The following UBE2B variants were observed in gnomAD, a reference collection of about 807,000 sequenced individuals.
UBE2B encodes the protein ubiquitin-conjugating enzyme E2 B.
A neutral mutation model predicts 24.6 loss-of-function variants in UBE2B; 11 were observed. The ratio of observed to expected loss-of-function variants is 0.45; its 90% CI spans 0.28 to 0.74. The LOEUF (loss-of-function observed/expected upper bound fraction) is 0.74, where lower values mean the gene tolerates loss of function less well. Ranked by LOEUF, UBE2B falls within the 30% of genes least tolerant of loss-of-function variation. UBE2B has a pLI of 0.13. For missense variants in UBE2B, 78 were observed against 185.6 expected (o/e 0.42, Z 3.37); for synonymous variants, 68 against 62.4 (o/e 1.09, Z -0.42).
chr5:134,380,891 TA>T, intron 4 of UBE2B, 83 bp downstream of exon 4: 1 of 896,620 alleles, frequency 1.1e-6, no homozygotes, highest in Non-Finnish European at 1.8e-6. Flanking sequence ...CCTTACTTTT[TA>T]CTGTTAGGGC....
chr5:134,387,638 G>A (rs1003458004), intron 4 of UBE2B, among the ~76,000 whole-genome samples: 1 of 152,172 alleles, frequency 6.6e-6, no homozygotes, highest in Non-Finnish European at 1.5e-5. Context: ...TCCCATGGTG[G>A]AAGGCAGAAT....
intron 4 of UBE2B, among the ~76,000 whole-genome samples, chr5:134,383,089 C>T (rs36076618): frequency 9.9e-5 from 15 of 152,104 alleles, no homozygotes; most frequent in Non-Finnish European, 2.2e-4. Flanking sequence ...TGCTTGAACC[C>T]GGGAGGCGGA....
Position 134,376,364 on chromosome 5 carries a change from T to TATATATATATATAC in UBE2B, c.126-304_126-303insTATATATATATACA, listed in dbSNP as rs70976528. On this transcript the variant is annotated intron_variant, in intron 2 of 5. Transcript: ENST00000265339. The stretch of plus-strand genomic sequence containing the variant: ...AAAAAAAAAAATATATATATATATA[T>TATATATATATATAC]ACACATATGTACAAAATGACTGGTC... Among the ~76,000 whole-genome samples the TATATATATATATAC allele has an allele frequency of 4.2e-4, 33 of 79,494 alleles. 2 individuals carry two copies. Among genetic ancestry groups the TATATATATATATAC allele is most frequent in the African/African-American group, 1.5e-3 (30 of 19,424 alleles). The allele number at this position is 79,494 out of a possible 152,430, so 52.2% of individuals were successfully genotyped here.
intron 3 of UBE2B, among the ~76,000 whole-genome samples, chr5:134,377,334 AATCC>A (rs1331056579): frequency 6.6e-6 from 1 of 152,258 alleles, no homozygotes; most frequent in Non-Finnish European, 1.5e-5. Flanking sequence ...CTTCAGAATT[AATCC>A]ATCAAAAATA....
chr5:134,379,608 T>G (rs551812878), intron 3 of UBE2B, among the ~76,000 whole-genome samples: 1 of 143,622 alleles, frequency 7.0e-6, no homozygotes, highest in South Asian at 2.2e-4. Context: ...ATGGTGCCAT[T>G]GCACTCCAGC....
chr5:134,377,269 G>A (rs1168262687), intron 3 of UBE2B, among the ~76,000 whole-genome samples: 3 of 152,136 alleles, frequency 2.0e-5, no homozygotes, highest in African/African-American at 7.2e-5. Flanking sequence ...TTTCCCAATT[G>A]TAGTGTTGGA....
intron 1 of UBE2B, among the ~76,000 whole-genome samples, chr5:134,372,307 C>T (rs1447826642): frequency 6.6e-6 from 1 of 152,208 alleles, no homozygotes; most frequent in Non-Finnish European, 1.5e-5. Flanking sequence ...AAGAAAGCCC[C>T]TATCTATAGC....
chr5:134,383,473 C>CTATT lies in UBE2B; in HGVS notation c.241+2666_241+2667insATTT, dbSNP rs1554114519. 2.3e-3 allele frequency among the ~76,000 whole-genome samples: 181 copies of CTATT among 80,038 alleles called. 12 individuals carry two copies. The highest frequency in any genetic ancestry group is 8.0e-3 in the African/African-American group (148 of 18,436). 52.5% of individuals were successfully genotyped at this position (80,038 alleles called of 152,430 possible). ...TGCAGATGTGTGCCACCATACCCAG[C>CTATT]TTTTTTTTTTTTTTTTTTTTTTTTT... On this transcript the variant is annotated intron_variant, in intron 4 of 5. Coordinates refer to ENST00000265339, the MANE Select transcript of UBE2B (RefSeq NM_003337.4).
At chr5:134,376,338 A>ATAT (rs1276778610) in intron 2 of UBE2B, among the ~76,000 whole-genome samples, 3 of 4,372 alleles carry the variant, frequency 6.9e-4, no homozygotes, top group Admixed American at 4.9e-3. Context: ...AAAAAAAAAA[A>ATAT]AAAAAAAAAA....
intron 1 of UBE2B, among the ~76,000 whole-genome samples, chr5:134,373,835 T>C (rs1293425451): frequency 6.6e-6 from 1 of 152,248 alleles, no homozygotes; most frequent in Non-Finnish European, 1.5e-5. Context: ...TATGGCTGCA[T>C]AGTATTCCAT....
At chr5:134,380,362 C>G (rs574014012) in intron 3 of UBE2B, among the ~76,000 whole-genome samples, 1 of 152,300 alleles carries the variant, frequency 6.6e-6, no homozygotes, top group African/African-American at 2.4e-5. Flanking sequence ...ATGTGGTAGT[C>G]AGACCCTCTC....
intron 4 of UBE2B, among the ~76,000 whole-genome samples, chr5:134,381,774 T>C (rs1043848863): frequency 2.0e-5 from 3 of 152,092 alleles, no homozygotes; most frequent in African/African-American, 7.2e-5. Flanking sequence ...TGAAACCCCA[T>C]CACTACTAAA....
intron 4 of UBE2B, among the ~76,000 whole-genome samples, chr5:134,387,288 C>T (rs1402578543): frequency 6.6e-6 from 1 of 152,158 alleles, no homozygotes; most frequent in Non-Finnish European, 1.5e-5. Flanking sequence ...TTATAGTGAA[C>T]ATCCTGTAAG....
At chr5:134,371,660 C>T in intron 1 of UBE2B, 21 bp downstream of exon 1, 2 of 1,613,396 alleles carry the variant, frequency 1.2e-6, no homozygotes, top group Non-Finnish European at 1.7e-6. Context: ...TCACCTTCGC[C>T]TAGATGACGG....
intron 3 of UBE2B, among the ~76,000 whole-genome samples, chr5:134,377,672 AG>A (rs1207095120): frequency 6.6e-6 from 1 of 151,978 alleles, no homozygotes; most frequent in Non-Finnish European, 1.5e-5. Context: ...CTCTACATCA[AG>A]GGTTCTCAAG....
chr5:134,385,902 A>G (rs1431134840), intron 4 of UBE2B, among the ~76,000 whole-genome samples: 1 of 151,914 alleles, frequency 6.6e-6, no homozygotes, highest in Non-Finnish European at 1.5e-5. Context: ...AATCCCACCT[A>G]CTTGGGAGGC....
At chr5:134,385,227 C>T (rs1290027238) in intron 4 of UBE2B, among the ~76,000 whole-genome samples, 2 of 152,118 alleles carry the variant, frequency 1.3e-5, no homozygotes, top group Non-Finnish European at 2.9e-5. Context: ...TTTGATGTTT[C>T]TGTGGGATGG....
intron 4 of UBE2B, chr5:134,385,468 A>G (rs957422730): frequency 1.3e-5 from 2 of 152,236 alleles, no homozygotes; most frequent in Non-Finnish European, 1.5e-5. Flanking sequence ...TGGTATCTGT[A>G]ACATTTAAAT....
Position 134,390,092 on chromosome 5 carries a change from A to G in UBE2B, c.331-133A>G, listed in dbSNP as rs1758877057. ...TCATTTCTAAAAGTATTTAGACCCA[A>G]AATTATATGACATGTTAATCTCTGA... On this transcript the variant is annotated intron_variant, in intron 5 of 5. Transcript: ENST00000265339. The surrounding 1 kb of genome is among the most constrained non-coding windows in gnomAD (Gnocchi z 4.6). 1.7e-6 allele frequency: 2 copies of G among 1,146,638 alleles called. No homozygotes were observed. 71.0% of individuals were successfully genotyped at this position (1,146,638 alleles called of 1,614,324 possible). A position where few individuals can be genotyped will look rare whatever the true frequency, so the allele number is the denominator to read the frequency against.
Sources: gnomAD v4.1 joint callset for allele counts (sites outside exome capture counted in the v4.1 genomes callset) on GRCh38, gnomAD v4.1.1 for gene constraint, Gnocchi (gnomAD v3.1) non-coding constraint, MANE v1.5 for transcripts, NCBI Gene and HGNC (gene_info 2026-07-23, HGNC 2026-07-21) for gene names.